CRLS1: variants seen among roughly 807,000 people sequenced by gnomAD.
CRLS1 encodes the protein cardiolipin synthase (CMP-forming).
CRLS1 carries 24 observed loss-of-function variants against 37.0 expected under a neutral mutation model. The observed-to-expected ratio is 0.65, with a 90% CI of 0.47 to 0.91. The LOEUF is 0.91. CRLS1 is among the 40% of genes least tolerant of loss of function. CRLS1 has a pLI of 0.00. For synonymous variants in CRLS1, 135 were observed against 159.7 expected, an observed-to-expected ratio of 0.85 and a Z score of 1.17; for missense variants, 373 against 395.8, an observed-to-expected ratio of 0.94 and a Z score of 0.49.
At chr20:6,026,681 C>T (rs984799921) in intron 3 of CRLS1, among the ~76,000 whole-genome samples, 6 of 152,062 alleles carry the variant, frequency 3.9e-5, no homozygotes, top group South Asian at 2.1e-4. Flanking sequence ...TTGGGAGCTC[C>T]GTAGGCACTG....
upstream of CRLS1, chr20:6,005,977 C>G (rs2090047803): frequency 3.3e-6 from 1 of 306,500 alleles, no homozygotes; most frequent in South Asian, 1.6e-4. Context: ...TTCCCAAAAC[C>G]CACTGAGCCT....
chr20:6,021,546 C>T (rs1228722003), intron 3 of CRLS1, among the ~76,000 whole-genome samples: 1 of 152,120 alleles, frequency 6.6e-6, no homozygotes, highest in Non-Finnish European at 1.5e-5. Flanking sequence ...GTAGTGTTTG[C>T]ATGATAAATG....
At chr20:6,030,121 G>GT (rs762429180) in intron 3 of CRLS1, among the ~76,000 whole-genome samples, 72 of 143,532 alleles carry the variant, frequency 5.0e-4, no homozygotes, top group Middle Eastern at 7.0e-3. Context: ...TTGAACTCAG[G>GT]CTTTTTTTTT....
intron 3 of CRLS1, among the ~76,000 whole-genome samples, chr20:6,017,435 A>AAC (rs1978846371): frequency 6.6e-6 from 1 of 152,244 alleles, no homozygotes; most frequent in African/African-American, 2.4e-5. Flanking sequence ...TAATGCTTAT[A>AAC]TGGCTACCCA....
At chr20:6,008,327 T>G (rs1406390139) in intron 1 of CRLS1, among the ~76,000 whole-genome samples, 2 of 152,154 alleles carry the variant, frequency 1.3e-5, no homozygotes, top group African/African-American at 2.4e-5. Context: ...AATCTAGGCT[T>G]CAGGGAAAGG....
At position 6,007,299 on chromosome 20, in the gene CRLS1, A is replaced by G. The variant is rs2090071152; in HGVS notation, c.306+747A>G. On this transcript the variant is annotated intron_variant, in intron 1 of 6. Coordinates refer to ENST00000378863, the MANE Select transcript of CRLS1 (RefSeq NM_019095.6). ...TGGCCAGATCCTGGCAGGGGTCTCA[A>G]CTCCACTGATAGCTAAAGCATGTTG... 11 of 1,574,916 alleles carry G rather than the reference A, an allele frequency of 7.0e-6. No individual in the cohort carries two copies. The East Asian group carries it at 2.5e-4, about 36-fold the overall frequency.
chr20:6,010,855 A>G (rs1237821974), intron 2 of CRLS1, among the ~76,000 whole-genome samples: 1 of 152,172 alleles, frequency 6.6e-6, no homozygotes. Flanking sequence ...TATCTCTACA[A>G]AAAATTTAAA....
intron 1 of CRLS1, chr20:6,006,903 C>T: frequency 2.4e-6 from 2 of 834,000 alleles, no homozygotes; most frequent in Non-Finnish European, 2.9e-6. Context: ...GTGTTTAGGG[C>T]AAGTCTTTGG....
rs2122947075 is a variant in CRLS1 at position 6,015,868 on chromosome 20, TAA to T, written c.574+379_574+380del. The T allele has an allele frequency of 1.2e-5, 3 of 240,572 alleles. No homozygotes were observed. The South Asian group carries it at 1.5e-4, about 12-fold the overall frequency. 14.9% of individuals were successfully genotyped at this position (240,572 alleles called of 1,614,324 possible). A position where few individuals can be genotyped will look rare whatever the true frequency, so the allele number is the denominator to read the frequency against. On this transcript the variant is annotated intron_variant, in intron 3 of 6. Coordinates refer to ENST00000378863, the MANE Select transcript of CRLS1 (RefSeq NM_019095.6). ...TATCTTTATTAATATCGTTTAATCA[TAA>T]GTGAGAACTCTGAAATTCTGAAGAT...
chr20:6,011,354 TAGTAGC>T (rs1247994133), intron 2 of CRLS1, among the ~76,000 whole-genome samples: 1 of 152,104 alleles, frequency 6.6e-6, no homozygotes, highest in African/African-American at 2.4e-5. Flanking sequence ...TCCACCTTCC[TAGTAGC>T]AGTAGCATTG....
Position 6,013,563 on chromosome 20 carries a change from G to A in CRLS1, c.445-1798G>A, listed in dbSNP as rs79759468. Among the ~76,000 whole-genome samples the A allele has an allele frequency of 8.0e-3, 1,222 of 152,214 alleles. 16 individuals carry two copies. The highest frequency in any genetic ancestry group is 0.028 in the African/African-American group (1,146 of 41,516). On this transcript the variant is annotated intron_variant, in intron 2 of 6. Transcript: ENST00000378863. Reference sequence around the variant, plus strand: ...GGGAATATGAGGATGGGCTGACTACGGTTTTCTTTTTCCTTAAGGAAAATA... The same window carrying A: ...GGGAATATGAGGATGGGCTGACTACAGTTTTCTTTTTCCTTAAGGAAAATA...
intron 2 of CRLS1, among the ~76,000 whole-genome samples, chr20:6,011,907 C>T (rs1978345619): frequency 6.6e-6 from 1 of 151,842 alleles, no homozygotes; most frequent in Non-Finnish European, 1.5e-5. Context: ...TATCCCAAAG[C>T]CTGCATTCAT....
At chr20:6,019,088 A>G (rs1479164622) in intron 3 of CRLS1, among the ~76,000 whole-genome samples, 1 of 151,866 alleles carries the variant, frequency 6.6e-6, no homozygotes, top group Non-Finnish European at 1.5e-5. Flanking sequence ...TTCTTGGAAG[A>G]TGTTTGATTA....
At chr20:6,016,822 GTCT>G (rs1441684752) in intron 3 of CRLS1, among the ~76,000 whole-genome samples, 1 of 152,046 alleles carries the variant, frequency 6.6e-6, no homozygotes, top group Non-Finnish European at 1.5e-5. Context: ...AGGCTCCCAT[GTCT>G]TCCTTTGCTT....
chr20:6,036,815 A>G (rs1172508727), intron 6 of CRLS1, among the ~76,000 whole-genome samples: 1 of 152,214 alleles, frequency 6.6e-6, no homozygotes, highest in African/African-American at 2.4e-5. Context: ...CGAGTAAAAA[A>G]TGACAGTTGC....
intron 6 of CRLS1, among the ~76,000 whole-genome samples, chr20:6,036,806 G>A (rs777701769): frequency 5.9e-5 from 9 of 152,116 alleles, no homozygotes; most frequent in African/African-American, 1.2e-4. Flanking sequence ...GAGGATGCCC[G>A]AGTAAAAAAT....
At chr20:6,013,425 C>T (rs1283780205) in intron 2 of CRLS1, among the ~76,000 whole-genome samples, 1 of 151,514 alleles carries the variant, frequency 6.6e-6, no homozygotes, top group Non-Finnish European at 1.5e-5. Flanking sequence ...ATGGATGATG[C>T]AAGGGGAGAT....
At position 6,039,921 on chromosome 20, in the gene CRLS1, G is replaced by A. The variant is rs1460889597; in HGVS notation, c.*2763G>A. 1 of 152,116 alleles carries A rather than the reference G, an allele frequency of 6.6e-6. No homozygotes were observed. The highest frequency in any genetic ancestry group is 1.5e-5 in the Non-Finnish European group (1 of 68,012). 9.4% of individuals were successfully genotyped at this position (152,116 alleles called of 1,614,324 possible). On this transcript the variant is annotated 3_prime_UTR_variant, in exon 7 of 7. Transcript: ENST00000378863. The stretch of plus-strand genomic sequence containing the variant: ...TCCAAGAGGAACCAACCCCACTGAT[G>A]CTTTGATTTGGGATTTCCGGCCTGA...
At chr20:6,012,729 T>TG (rs1978424659) in intron 2 of CRLS1, among the ~76,000 whole-genome samples, 1 of 152,146 alleles carries the variant, frequency 6.6e-6, no homozygotes, top group Admixed American at 6.5e-5. Context: ...ATTTGGGAGC[T>TG]GTCAGATATA....
Sources: gnomAD v4.1 joint callset for allele counts (sites outside exome capture counted in the v4.1 genomes callset) on GRCh38, gnomAD v4.1.1 for gene constraint, MANE v1.5 for transcripts, NCBI Gene and HGNC (gene_info 2026-07-23, HGNC 2026-07-21) for gene names.